Variants in FGFRL1 observed in about 807,000 individuals in gnomAD.
FGFRL1 encodes the protein fibroblast growth factor receptor like 1.
FGFRL1 carries 24 observed loss-of-function variants against 36.8 expected under a neutral mutation model. The observed-to-expected ratio is 0.65, with a 90% CI of 0.47 to 0.92. The LOEUF is 0.92. FGFRL1 is among the 40% of genes least tolerant of loss of function. FGFRL1 has a pLI of 0.00. For synonymous variants in FGFRL1, 422 were observed against 344.1 expected, an observed-to-expected ratio of 1.23 and a Z score of -2.50; for missense variants, 785 against 753.4, an observed-to-expected ratio of 1.04 and a Z score of -0.49.
chr4:1,024,694 T>TG, intron 6 of FGFRL1, 30 bp downstream of exon 6: 1 of 1,568,250 alleles, frequency 6.4e-7, no homozygotes, highest in Non-Finnish European at 8.7e-7. Flanking sequence ...CGCCACACCA[T>TG]GCTGGTGCCC....
chr4:1,013,418 C>T (rs1022113301), intron 2 of FGFRL1, among the ~76,000 whole-genome samples: 3 of 152,264 alleles, frequency 2.0e-5, no homozygotes, highest in Non-Finnish European at 4.4e-5. Flanking sequence ...CCTGAGGCTT[C>T]GCACCCCTCC....
chr4:1,014,920 C>T (rs1328391397), intron 2 of FGFRL1, among the ~76,000 whole-genome samples: 1 of 152,218 alleles, frequency 6.6e-6, no homozygotes, highest in African/African-American at 2.4e-5. Context: ...GGCCTGGAAA[C>T]GCCGACCGCA....
chr4:1,020,527 C>T (rs923546896), intron 2 of FGFRL1, among the ~76,000 whole-genome samples: 10 of 150,734 alleles, frequency 6.6e-5, no homozygotes, highest in South Asian at 2.1e-4. Context: ...TCTTCCTGGC[C>T]GGCTTGGCAC....
chr4:1,024,100 C>T lies in FGFRL1; in HGVS notation c.717C>T (p.Ile239=), dbSNP rs1716358003. Residue 239 remains isoleucine, a splice_region_variant and synonymous_variant, in exon 5 of 7, where the codon ATC becomes ATT. Coordinates refer to ENST00000510644, the MANE Select transcript of FGFRL1 (RefSeq NM_001004356.3). ...ACGCCACCTACAAGGTGGATGTGAT[C>T]CGTGAGTGTGGCCCCGGGCGCTGGC... ...AINATYKVDV[I]QRTRSKPVLT... is the part of the protein sequence containing the mutation. 1 of 1,569,590 alleles carries T rather than the reference C, an allele frequency of 6.4e-7. No homozygotes were observed.
chr4:1,016,467 G>A lies in FGFRL1; in HGVS notation c.79+3903G>A, dbSNP rs533013333. ...AAGGTTCTCTCCAGGGCGTGGGACT[G>A]CCTGATGATGCTCTGGTGCCCGCTG... On this transcript the variant is annotated intron_variant, in intron 2 of 6. Transcript: ENST00000510644. 2.8e-4 allele frequency among the ~76,000 whole-genome samples: 43 copies of A among 152,290 alleles called. 1 individual carries two copies. In the South Asian group the frequency reaches 8.7e-3, roughly 31 times the overall value.
chr4:1,010,340 C>T (rs1442168263), upstream of FGFRL1, among the ~76,000 whole-genome samples: 3 of 152,276 alleles, frequency 2.0e-5, no homozygotes, highest in African/African-American at 7.2e-5. Context: ...CATCCGCCCT[C>T]GCGACGCCCA....
chr4:1,020,282 T>G (rs1368678978), intron 2 of FGFRL1, among the ~76,000 whole-genome samples: 1 of 152,120 alleles, frequency 6.6e-6, no homozygotes, highest in African/African-American at 2.4e-5. Context: ...CAGTGCGGGA[T>G]GGACACTGTC....
At position 1,025,108 on chromosome 4, in the gene FGFRL1, C is replaced by G. The variant is rs766347101; in HGVS notation, c.1276C>G (p.Arg426Gly). The stretch of plus-strand genomic sequence containing the variant: ...CCGCCCGCCGGGGACGGCCCGCGAC[C>G]GCAGCGGAGACAAGGACCTTCCCTC... ...GHRPPGTARD[R>G]SGDKDLPSLA... Residue 426 changes from arginine (R) to glycine (G), a missense_variant, in exon 7 of 7, where the codon CGC (arginine) becomes GGC (glycine). Physicochemically the swap from Arg to Gly is moderately radical, Grantham distance 125. Transcript: ENST00000510644. 1.9e-6 allele frequency: 3 copies of G among 1,611,270 alleles called. No individual in the cohort carries two copies. The highest frequency in any genetic ancestry group is 3.3e-5 in the Admixed American group (2 of 59,852).
Position 1,025,467 on chromosome 4 carries a change from C to G in FGFRL1, c.*120C>G. The G allele has an allele frequency of 7.9e-7, 1 of 1,258,032 alleles. No individual in the cohort carries two copies. Among genetic ancestry groups the G allele is most frequent in the Non-Finnish European group, 1.1e-6 (1 of 912,708 alleles). 77.9% of individuals were successfully genotyped at this position (1,258,032 alleles called of 1,614,324 possible). A position where few individuals can be genotyped will look rare whatever the true frequency, so the allele number is the denominator to read the frequency against. ...TGGCGAGGAGGAATGGCCAGCACCC[C>G]AGGCAGTCTGTGTGTGAGGCATAGC... On this transcript the variant is annotated 3_prime_UTR_variant, in exon 7 of 7. Coordinates refer to ENST00000510644, the MANE Select transcript of FGFRL1 (RefSeq NM_001004356.3).
At position 1,025,302 on chromosome 4, in the gene FGFRL1, A is replaced by T; in HGVS notation, c.1470A>T (p.Ser490=). 1 of 1,570,068 alleles carries T rather than the reference A, an allele frequency of 6.4e-7. No homozygotes were observed. Among genetic ancestry groups the T allele is most frequent in the Admixed American group, 1.9e-5 (1 of 53,608 alleles). ...THTHTHSHTH[S]HVEGKVHQHI... is the part of the protein sequence containing the mutation. Reference sequence around the variant, plus strand: ...CACACACACACTCTCACACACACTCACACGTGGAGGGCAAGGTCCACCAGC... The same window carrying T: ...CACACACACACTCTCACACACACTCTCACGTGGAGGGCAAGGTCCACCAGC... The change falls in exon 7 of 7, where the codon TCA becomes TCT. Residue 490 remains serine, a synonymous_variant. Transcript: ENST00000510644.
chr4:1,011,243 G>A (rs1715560757), upstream of FGFRL1: 2 of 152,384 alleles, frequency 1.3e-5, no homozygotes, highest in African/African-American at 2.4e-5. Context: ...TGCTCTGGGG[G>A]TCGCGGAGGT....
Position 1,025,933 on chromosome 4 carries a change from C to T in FGFRL1, c.*586C>T, listed in dbSNP as rs1200433802. On this transcript the variant is annotated 3_prime_UTR_variant, in exon 7 of 7. Coordinates refer to ENST00000510644, the MANE Select transcript of FGFRL1 (RefSeq NM_001004356.3). ...ACGCACACACATGCAGATATGCTGC[C>T]TGGACACACACTTCCAGACACACGT... The T allele has an allele frequency of 6.1e-6, 1 of 163,756 alleles. No homozygotes were observed. The highest frequency in any genetic ancestry group is 2.4e-5 in the African/African-American group (1 of 41,458). The allele number at this position is 163,756 out of a possible 1,614,324, so 10.1% of individuals were successfully genotyped here.
chr4:1,015,400 T>C lies in FGFRL1; in HGVS notation c.79+2836T>C, dbSNP rs73066490. ...CTGGTCAAGCCCCAGGGTGCCTGGC[T>C]GCCCTCTGCAGGCGGCTCCAAGGTG... On this transcript the variant is annotated intron_variant, in intron 2 of 6. Transcript: ENST00000510644. Among the ~76,000 whole-genome samples the C allele has an allele frequency of 5.7e-3, 873 of 152,266 alleles. 10 individuals are homozygous for C. Among genetic ancestry groups the C allele is most frequent in the African/African-American group, 0.02 (845 of 41,562 alleles).
intron 2 of FGFRL1, among the ~76,000 whole-genome samples, chr4:1,015,279 G>A (rs1473069029): frequency 6.6e-6 from 1 of 152,224 alleles, no homozygotes; most frequent in African/African-American, 2.4e-5. Context: ...AGCACAGGAG[G>A]GAGAGGGATA....
chr4:1,014,607 G>A (rs1252452087), intron 2 of FGFRL1, among the ~76,000 whole-genome samples: 1 of 142,424 alleles, frequency 7.0e-6, no homozygotes, highest in Non-Finnish European at 1.5e-5. Flanking sequence ...TCGGCTCCCT[G>A]TGGGGGCAAG....
chr4:1,022,188 C>A lies in FGFRL1; in HGVS notation c.80-15C>A. On this transcript the variant is annotated splice_polypyrimidine_tract_variant and intron_variant, in intron 2 of 6. Transcript: ENST00000510644. ...AAGCCCCTCCTCGCTGACTGTTCCT[C>A]GGTCCCACCCGCAGGCCCCCCAAAG... 2 of 1,502,386 alleles carry A rather than the reference C, an allele frequency of 1.3e-6. No individual in the cohort carries two copies. The highest frequency in any genetic ancestry group is 2.4e-5 in the East Asian group (1 of 41,568). The allele number at this position is 1,502,386 out of a possible 1,614,324, so 93.1% of individuals were successfully genotyped here. A position where few individuals can be genotyped will look rare whatever the true frequency, so the allele number is the denominator to read the frequency against.
Position 1,026,422 on chromosome 4 carries a change from G to GCCCGCCTCTGTC in FGFRL1, c.*1084_*1095dup, listed in dbSNP as rs376088822. 1 of 159,568 alleles carries GCCCGCCTCTGTC rather than the reference G, an allele frequency of 6.3e-6. No individual in the cohort carries two copies. Among genetic ancestry groups the GCCCGCCTCTGTC allele is most frequent in the South Asian group, 1.7e-4 (1 of 5,982 alleles). 9.9% of individuals were successfully genotyped at this position (159,568 alleles called of 1,614,324 possible). A position where few individuals can be genotyped will look rare whatever the true frequency, so the allele number is the denominator to read the frequency against. On this transcript the variant is annotated 3_prime_UTR_variant, in exon 7 of 7. Transcript: ENST00000510644. ...GCTCCACCGTCACTCCCCCAACTCTGCCCGCCTCTGTCCCCGCCTCAGTCC... is the reference window on the plus strand; with the variant it reads ...GCTCCACCGTCACTCCCCCAACTCTGCCCGCCTCTGTCCCCGCCTCTGTCCCCGCCTCAGTCC...
Position 1,012,580 on chromosome 4 carries a change from C to A in FGFRL1, c.79+16C>A. 2 of 1,240,608 alleles carry A rather than the reference C, an allele frequency of 1.6e-6. No homozygotes were observed. Among genetic ancestry groups the A allele is most frequent in the East Asian group, 3.1e-5 (1 of 32,730 alleles). 76.9% of individuals were successfully genotyped at this position (1,240,608 alleles called of 1,614,324 possible). A position where few individuals can be genotyped will look rare whatever the true frequency, so the allele number is the denominator to read the frequency against. On this transcript the variant is annotated intron_variant, in intron 2 of 6. Coordinates refer to ENST00000510644, the MANE Select transcript of FGFRL1 (RefSeq NM_001004356.3). ...GCCGCCCGAGGTGAGTTCTGGCGCCCAGCCCGGCCAGCCTGGCCTCCGCCA... is the reference window on the plus strand; with the variant it reads ...GCCGCCCGAGGTGAGTTCTGGCGCCAAGCCCGGCCAGCCTGGCCTCCGCCA...
Position 1,022,358 on chromosome 4 carries a change from G to A in FGFRL1, c.235G>A (p.Val79Met), listed in dbSNP as rs766832234. ...CCACAGCGGCTGGAGCCGCTTCCGC[G>A]TGCTGCCGCAGGGGCTGAAGGTGAA... ...TIHSGWSRFR[V>M]LPQGLKVKQV... Residue 79 changes from valine to methionine, a missense_variant, in exon 3 of 7, where the codon GTG becomes ATG. Coordinates refer to ENST00000510644, the MANE Select transcript of FGFRL1 (RefSeq NM_001004356.3). 87 of 1,608,596 alleles carry A rather than the reference G, an allele frequency of 5.4e-5. No individual in the cohort carries two copies. Among genetic ancestry groups the A allele is most frequent in the Non-Finnish European group, 7.0e-5 (82 of 1,178,452 alleles).
Sources: allele counts gnomAD v4.1 joint callset (sites outside exome capture counted in the v4.1 genomes callset), GRCh38; gene constraint gnomAD v4.1.1; transcripts MANE v1.5; gene names NCBI Gene and HGNC (gene_info 2026-07-23, HGNC 2026-07-21).